TMEM45A: variants seen among roughly 807,000 people sequenced by gnomAD.
The protein encoded by TMEM45A is transmembrane protein 45A.
TMEM45A carries 25 observed loss-of-function variants against 32.0 expected under a neutral mutation model. The ratio of observed to expected loss-of-function variants is 0.78; its 90% CI spans 0.57 to 1.09. The LOEUF is 1.09. Among genes scored for constraint, TMEM45A ranks in the 50% least tolerant of loss-of-function variants. The pLI, the probability that TMEM45A is intolerant of heterozygous loss-of-function variation, is 0.00. For missense variants in TMEM45A, 302 were observed against 325.0 expected, an observed-to-expected ratio of 0.93 and a Z score of 0.54; for synonymous variants, 122 against 114.8, an observed-to-expected ratio of 1.06 and a Z score of -0.40.
chr3:100,554,262 A>G (rs562513710), intron 1 of TMEM45A, among the ~76,000 whole-genome samples: 1 of 152,274 alleles, frequency 6.6e-6, no homozygotes, highest in East Asian at 1.9e-4. Context: ...GCAATAATGT[A>G]AACAAAGTTT....
intron 1 of TMEM45A, among the ~76,000 whole-genome samples, chr3:100,538,099 G>A (rs1402422873): frequency 6.6e-6 from 1 of 152,128 alleles, no homozygotes; most frequent in Non-Finnish European, 1.5e-5. Flanking sequence ...TCATCAGAAT[G>A]GGTTATTAAA....
chr3:100,504,985 T>C (rs1343090846), intron 1 of TMEM45A, among the ~76,000 whole-genome samples: 1 of 152,142 alleles, frequency 6.6e-6, no homozygotes, highest in Non-Finnish European at 1.5e-5. Context: ...CCCCAGAAAA[T>C]GGGTCTGTCG....
At chr3:100,501,104 G>C (rs79189360) in intron 1 of TMEM45A, among the ~76,000 whole-genome samples, 9 of 152,306 alleles carry the variant, frequency 5.9e-5, no homozygotes, top group Non-Finnish European at 7.3e-5. Flanking sequence ...TAAGGAAATT[G>C]ATGTTTAGAA....
chr3:100,509,182 C>T (rs1559634833), intron 1 of TMEM45A, among the ~76,000 whole-genome samples: 1 of 152,134 alleles, frequency 6.6e-6, no homozygotes, highest in Non-Finnish European at 1.5e-5. Flanking sequence ...ATATGAAAAA[C>T]TGCTGAATAT....
intron 1 of TMEM45A, among the ~76,000 whole-genome samples, chr3:100,540,366 C>G (rs1705844570): frequency 6.6e-6 from 1 of 152,058 alleles, no homozygotes; most frequent in African/African-American, 2.4e-5. Flanking sequence ...GAAAACAACT[C>G]AATTAAAAAG....
chr3:100,538,677 T>C (rs1392977040), intron 1 of TMEM45A, among the ~76,000 whole-genome samples: 1 of 152,120 alleles, frequency 6.6e-6, no homozygotes, highest in Admixed American at 6.6e-5. Flanking sequence ...CAATCAACAA[T>C]AGCAGCAAAA....
At chr3:100,538,925 A>G (rs1705794486) in intron 1 of TMEM45A, among the ~76,000 whole-genome samples, 1 of 152,136 alleles carries the variant, frequency 6.6e-6, no homozygotes, top group Non-Finnish European at 1.5e-5. Flanking sequence ...GAGGAAAACC[A>G]TAAACCTCTT....
chr3:100,571,869 G>T (rs530099418), intron 5 of TMEM45A: 4 of 152,190 alleles, frequency 2.6e-5, no homozygotes, highest in Admixed American at 2.6e-4. Context: ...TTGTTCTTGC[G>T]ATAGTTTGCT....
At chr3:100,553,544 C>T (rs1197626053) in intron 1 of TMEM45A, among the ~76,000 whole-genome samples, 2 of 152,050 alleles carry the variant, frequency 1.3e-5, no homozygotes, top group East Asian at 3.9e-4. Context: ...CTTTTCAATC[C>T]CATATAGAAG....
chr3:100,512,893 T>C (rs962678664), intron 1 of TMEM45A, among the ~76,000 whole-genome samples: 1 of 152,118 alleles, frequency 6.6e-6, no homozygotes, highest in Non-Finnish European at 1.5e-5. Context: ...GATAAATTCT[T>C]GGACACATAC....
At chr3:100,499,963 A>AT (rs1259927811) in intron 1 of TMEM45A, among the ~76,000 whole-genome samples, 6 of 152,084 alleles carry the variant, frequency 3.9e-5, no homozygotes, top group Non-Finnish European at 5.9e-5. Context: ...GCTGATAGCT[A>AT]TTTTTTTTAA....
chr3:100,558,881 A>C (rs558238993), intron 4 of TMEM45A, among the ~76,000 whole-genome samples: 1 of 152,378 alleles, frequency 6.6e-6, no homozygotes, highest in South Asian at 2.1e-4. Context: ...AAAGCAGCTT[A>C]TAGCATAATA....
intron 4 of TMEM45A, among the ~76,000 whole-genome samples, chr3:100,562,095 C>T (rs1706347648): frequency 6.6e-6 from 1 of 151,966 alleles, no homozygotes; most frequent in African/African-American, 2.4e-5. Flanking sequence ...GGCTTATTGC[C>T]TATTAGAGAA....
intron 1 of TMEM45A, among the ~76,000 whole-genome samples, chr3:100,526,748 T>C (rs1705553097): frequency 6.6e-6 from 1 of 152,206 alleles, no homozygotes; most frequent in Non-Finnish European, 1.5e-5. Flanking sequence ...TAGTTTTAGA[T>C]TGCAACAGAC....
intron 1 of TMEM45A, among the ~76,000 whole-genome samples, chr3:100,504,471 T>TGTG (rs1708053739): frequency 6.6e-6 from 1 of 151,924 alleles, no homozygotes. Context: ...GTGGCCAGAG[T>TGTG]GGTTCTTGAA....
rs144254352 is a variant in TMEM45A at position 100,547,570 on chromosome 3, T to TGAG, written c.-3-7618_-3-7616dup. Among the ~76,000 whole-genome samples, 262 of 151,558 alleles carry TGAG rather than the reference T, an allele frequency of 1.7e-3. 1 individual carries two copies. The highest frequency in any genetic ancestry group is 3.0e-3 in the Non-Finnish European group (205 of 67,808). ...CTTATCATCTTTATGTTGAATAGGC[T>TGAG]GAGGAGGAGGAGGAGGAGGAGGAAA... On this transcript the variant is annotated intron_variant, in intron 1 of 5. Coordinates refer to ENST00000323523, the MANE Select transcript of TMEM45A (RefSeq NM_018004.3).
chr3:100,549,573 T>C (rs1706051044), intron 1 of TMEM45A, among the ~76,000 whole-genome samples: 1 of 152,174 alleles, frequency 6.6e-6, no homozygotes, highest in Non-Finnish European at 1.5e-5. Flanking sequence ...AAAGGGTGTG[T>C]TCTCTGGGTT....
rs541201882 is a variant in TMEM45A at position 100,502,063 on chromosome 3, A to G, written c.-4+9135A>G. ...CTTAAAGATTCCTCTAAAAAATATC[A>G]AACTGTTGGGATTATTAACTACTCT... On this transcript the variant is annotated intron_variant, in intron 1 of 5. Transcript: ENST00000323523. 1.1e-3 allele frequency among the ~76,000 whole-genome samples: 174 copies of G among 152,308 alleles called. No homozygotes were observed. In the Middle Eastern group the frequency reaches 0.017, roughly 15 times the overall value.
At chr3:100,526,809 C>T (rs916364429) in intron 1 of TMEM45A, among the ~76,000 whole-genome samples, 1 of 152,112 alleles carries the variant, frequency 6.6e-6, no homozygotes, top group Non-Finnish European at 1.5e-5. Flanking sequence ...GTCTTAGAGT[C>T]CCCTAAGTAA....
Sources: gnomAD v4.1 joint callset for allele counts (sites outside exome capture counted in the v4.1 genomes callset) on GRCh38, gnomAD v4.1.1 for gene constraint, MANE v1.5 for transcripts, NCBI Gene and HGNC (gene_info 2026-07-23, HGNC 2026-07-21) for gene names.